The following RELN variants were observed in gnomAD, a reference collection of about 807,000 sequenced individuals.
RELN encodes reelin.
A neutral mutation model predicts 427.6 loss-of-function variants in RELN; 108 were observed. The ratio of observed to expected loss-of-function variants is 0.25; its 90% CI spans 0.22 to 0.30. RELN has a LOEUF of 0.30. RELN is among the 10% of genes least tolerant of loss of function. RELN has a pLI of 1.00. For missense variants in RELN, 3,715 were observed against 4,302.8 expected (o/e 0.86, Z 3.82); for synonymous variants, 1,524 against 1,513.4 (o/e 1.01, Z -0.16).
At chr7:103,835,510 G>C in intron 2 of RELN, among the ~76,000 whole-genome samples, 1 of 152,190 alleles carries the variant, frequency 6.6e-6, no homozygotes, top group East Asian at 1.9e-4. Context: ...TTCTGAGGCA[G>C]GATGTTGACG....
intron 28 of RELN, among the ~76,000 whole-genome samples, chr7:103,585,869 A>C (rs1312377726): frequency 2.0e-5 from 3 of 152,212 alleles, no homozygotes; most frequent in African/African-American, 7.2e-5. Context: ...TGATTGAATG[A>C]GTTTATTCCA....
chr7:103,871,997 C>A (rs1282001952), intron 2 of RELN, among the ~76,000 whole-genome samples: 2 of 148,340 alleles, frequency 1.3e-5, no homozygotes, highest in Non-Finnish European at 3.0e-5. Flanking sequence ...TACTTACATT[C>A]TATCTACAGT....
At chr7:103,655,468 C>T (rs1833004694) in intron 12 of RELN, among the ~76,000 whole-genome samples, 1 of 152,038 alleles carries the variant, frequency 6.6e-6, no homozygotes, top group Admixed American at 6.6e-5. Flanking sequence ...AAACTACCCT[C>T]TGAGAGTTAA....
rs1584367953 is a variant in RELN at position 103,640,177 on chromosome 7, T to C, written c.2069+366A>G. Among the ~76,000 whole-genome samples the C allele has an allele frequency of 6.6e-6, 1 of 152,320 alleles. No individual in the cohort carries two copies. Among genetic ancestry groups the C allele is most frequent in the South Asian group, 2.1e-4 (1 of 4,824 alleles). On this transcript the variant is annotated intron_variant, in intron 17 of 64. Transcript: ENST00000428762. This position sits in a 1 kb window ranked among gnomAD's most constrained non-coding sequence, Gnocchi z 4.1. ...TAGCATTGGATCTATGGGTCATTACTGATTTTTACAATCATTTACAAAGCA... is the reference window on the plus strand; with the variant it reads ...TAGCATTGGATCTATGGGTCATTACCGATTTTTACAATCATTTACAAAGCA...
At chr7:103,682,894 A>G (rs1040445116) in intron 10 of RELN, among the ~76,000 whole-genome samples, 1 of 152,224 alleles carries the variant, frequency 6.6e-6, no homozygotes, top group Admixed American at 6.5e-5. Flanking sequence ...CACATAAAAA[A>G]TAAGGAAAAT....
chr7:103,695,818 G>A (rs528842270), intron 10 of RELN, among the ~76,000 whole-genome samples: 2 of 152,178 alleles, frequency 1.3e-5, no homozygotes, highest in African/African-American at 4.8e-5. Flanking sequence ...ACGCTATTCT[G>A]ACGAATGTTT....
chr7:103,839,547 C>A (rs936464325), intron 2 of RELN, among the ~76,000 whole-genome samples: 4 of 151,954 alleles, frequency 2.6e-5, no homozygotes, highest in African/African-American at 9.7e-5. Context: ...CCTGATATGA[C>A]TTGAGCTGGG....
Position 103,640,587 on chromosome 7 carries a change from G to C in RELN, c.2025C>G (p.Leu675=). The change falls in exon 17 of 65, where the codon CTC becomes CTG. Residue 675 remains leucine, a synonymous_variant. Coordinates refer to ENST00000428762, the MANE Select transcript of RELN (RefSeq NM_005045.4). This position sits in a 1 kb window ranked among gnomAD's most constrained non-coding sequence, Gnocchi z 4.1. ...IDNVYIGPSC[L]KFCSGRGQCT... ...ACTGTCCTCTGCCAGAACAGAATTT[G>C]AGACATGACGGGCCAATATAAACTG... The C allele has an allele frequency of 6.2e-7, 1 of 1,613,822 alleles. No homozygotes were observed. Among genetic ancestry groups the C allele is most frequent in the Non-Finnish European group, 8.5e-7 (1 of 1,179,892 alleles).
At chr7:103,503,656 G>C (rs796815045) in intron 51 of RELN, among the ~76,000 whole-genome samples, 4 of 152,204 alleles carry the variant, frequency 2.6e-5, no homozygotes, top group African/African-American at 9.6e-5. Flanking sequence ...CACTTTCAAC[G>C]ACAAGTAAGA....
At chr7:103,766,575 G>A (rs1311284140) in intron 4 of RELN, among the ~76,000 whole-genome samples, 1 of 152,142 alleles carries the variant, frequency 6.6e-6, no homozygotes, top group Non-Finnish European at 1.5e-5. Context: ...AATATAAAAG[G>A]AGGTTAAACA....
chr7:103,942,813 G>A (rs542202455), intron 1 of RELN, among the ~76,000 whole-genome samples: 4 of 152,236 alleles, frequency 2.6e-5, no homozygotes, highest in African/African-American at 9.6e-5. Context: ...TCAGGAGGCT[G>A]AGGCAGGAGA....
At chr7:103,737,984 C>T (rs529499102) in intron 6 of RELN, among the ~76,000 whole-genome samples, 18 of 152,050 alleles carry the variant, frequency 1.2e-4, no homozygotes, top group African/African-American at 4.3e-4. Flanking sequence ...GTTGGCATCA[C>T]AACCCAGTCA....
At chr7:103,772,205 A>C (rs970611668) in intron 4 of RELN, among the ~76,000 whole-genome samples, 19 of 152,216 alleles carry the variant, frequency 1.2e-4, no homozygotes, top group African/African-American at 4.3e-4. Flanking sequence ...GAAGCTTTAG[A>C]GATTCCATAG....
chr7:103,902,651 C>G (rs952509458), intron 2 of RELN, among the ~76,000 whole-genome samples: 1 of 152,034 alleles, frequency 6.6e-6, no homozygotes, highest in Non-Finnish European at 1.5e-5. Context: ...CATTCAGAGT[C>G]CTGAAAACAG....
At chr7:103,652,213 G>T (rs1454360714) in intron 14 of RELN, among the ~76,000 whole-genome samples, 2 of 150,364 alleles carry the variant, frequency 1.3e-5, no homozygotes, top group African/African-American at 4.9e-5. Context: ...TTATTAGCAG[G>T]TCACCAGCCG....
intron 1 of RELN, among the ~76,000 whole-genome samples, chr7:103,922,179 A>G (rs1385855849): frequency 2.0e-5 from 3 of 152,220 alleles, no homozygotes; most frequent in Non-Finnish European, 4.4e-5. Flanking sequence ...ATTCTTAGAG[A>G]TACATGAAAA....
intron 20 of RELN, among the ~76,000 whole-genome samples, 186 bp downstream of exon 20, chr7:103,629,754 T>C (rs1310687354): frequency 6.6e-6 from 1 of 152,172 alleles, no homozygotes; most frequent in Non-Finnish European, 1.5e-5. Flanking sequence ...ATTTTACTTG[T>C]AGACAAACAA....
intron 1 of RELN, among the ~76,000 whole-genome samples, chr7:103,932,735 C>G (rs1795893351): frequency 6.6e-6 from 1 of 152,172 alleles, no homozygotes; most frequent in African/African-American, 2.4e-5. Context: ...AAGTGGGCAA[C>G]TGAAACTTAA....
intron 2 of RELN, among the ~76,000 whole-genome samples, chr7:103,845,358 T>C (rs1411379661): frequency 2.6e-5 from 4 of 152,136 alleles, no homozygotes; most frequent in Non-Finnish European, 5.9e-5. Context: ...ATTTTTGTAT[T>C]TTTAGAAAAG....
Sources: gnomAD v4.1 joint callset for allele counts (sites outside exome capture counted in the v4.1 genomes callset) on GRCh38, gnomAD v4.1.1 for gene constraint, Gnocchi (gnomAD v3.1) non-coding constraint, MANE v1.5 for transcripts, NCBI Gene and HGNC (gene_info 2026-07-23, HGNC 2026-07-21) for gene names.